The following PREX2 variants were observed in gnomAD, a reference collection of about 807,000 sequenced individuals.
PREX2 encodes phosphatidylinositol-3,4,5-trisphosphate dependent Rac exchange factor 2.
Under a neutral mutation model 203.2 loss-of-function variants are expected in PREX2, and 107 were observed. The observed-to-expected ratio is 0.53, with a 90% CI of 0.45 to 0.62. PREX2 has a LOEUF of 0.62. Among genes scored for constraint, PREX2 ranks in the 20% least tolerant of loss-of-function variants. The pLI, the probability that PREX2 is intolerant of heterozygous loss-of-function variation, is 0.00. For missense variants in PREX2, 1,777 were observed against 1,955.9 expected (o/e 0.91, Z 1.72); for synonymous variants, 672 against 663.6 (o/e 1.01, Z -0.19).
intron 32 of PREX2, among the ~76,000 whole-genome samples, chr8:68,135,170 T>C (rs1465229489): frequency 6.6e-6 from 1 of 151,702 alleles, no homozygotes; most frequent in East Asian, 1.9e-4. Flanking sequence ...ATGGTAGGCA[T>C]CAATTATCTG....
At chr8:68,218,303 A>G (rs963471468) in intron 38 of PREX2, among the ~76,000 whole-genome samples, 4 of 152,210 alleles carry the variant, frequency 2.6e-5, no homozygotes, top group Admixed American at 6.5e-5. Context: ...ACTTTATTCT[A>G]TACAGTAGCC....
At chr8:68,133,951 T>A in intron 31 of PREX2, 108 bp from the exon 32 acceptor site, 1 of 832,114 alleles carries the variant, frequency 1.2e-6, no homozygotes, top group Non-Finnish European at 1.9e-6. Context: ...TTCACATGCG[T>A]GAGTTTAGTG....
rs116754041 is a variant in PREX2, at chr8:68,055,490, C to T, written c.1094-340C>T. On this transcript the variant is annotated intron_variant, in intron 9 of 39. Transcript: ENST00000288368. ...TTTTCTACCAGAACTGTCTCTAGGG[C>T]TACTCTGTCCAGTTCTGCGGATCTA... 7.8e-3 allele frequency among the ~76,000 whole-genome samples: 1,179 copies of T among 152,062 alleles called. 16 individuals carry two copies. The highest frequency in any genetic ancestry group is 0.027 in the African/African-American group (1,136 of 41,430).
At chr8:68,068,912 A>G (rs1809101379) in intron 11 of PREX2, 121 bp from the exon 12 acceptor site, 1 of 451,998 alleles carries the variant, frequency 2.2e-6, no homozygotes, top group Non-Finnish European at 3.8e-6. Context: ...AGAAAAGCAA[A>G]TGCCTTTTGT....
At chr8:68,203,537 C>A (rs1812549383) in intron 37 of PREX2, among the ~76,000 whole-genome samples, 1 of 152,064 alleles carries the variant, frequency 6.6e-6, no homozygotes, top group Non-Finnish European at 1.5e-5. Flanking sequence ...TATATTTGAG[C>A]TGGGTTTAAA....
intron 7 of PREX2, among the ~76,000 whole-genome samples, chr8:68,039,901 C>A (rs1346310631): frequency 2.0e-5 from 3 of 152,174 alleles, no homozygotes; most frequent in African/African-American, 7.2e-5. Context: ...CCCACCATAT[C>A]TTTTCTTATG....
At chr8:68,022,824 T>G (rs57481230) in intron 4 of PREX2, among the ~76,000 whole-genome samples, 3,348 of 152,260 alleles carry the variant, frequency 0.022, 115 homozygotes, top group African/African-American at 0.077. Context: ...CATACACTGA[T>G]TTGTTTTCAT....
chr8:68,055,685 A>G (rs1808655944), intron 9 of PREX2, 145 bp from the exon 10 acceptor site: 1 of 709,368 alleles, frequency 1.4e-6, no homozygotes, highest in African/African-American at 1.8e-5. Context: ...CTTCTTGAAC[A>G]CCAGGGCACT....
intron 10 of PREX2, among the ~76,000 whole-genome samples, chr8:68,057,391 T>C (rs566990533): frequency 1.3e-5 from 2 of 152,224 alleles, no homozygotes; most frequent in East Asian, 3.9e-4. Flanking sequence ...CTCAGGGAAG[T>C]TCTTTACAGC....
intron 26 of PREX2, 46 bp downstream of exon 26, chr8:68,115,978 A>ATTC: frequency 6.8e-7 from 1 of 1,468,218 alleles, no homozygotes; most frequent in Non-Finnish European, 9.2e-7. Context: ...AAAGTCAAAT[A>ATTC]TGATGCTGGA....
intron 32 of PREX2, among the ~76,000 whole-genome samples, chr8:68,135,910 A>C (rs1768530334): frequency 6.6e-6 from 1 of 152,194 alleles, no homozygotes; most frequent in African/African-American, 2.4e-5. Context: ...GGAATGGAGT[A>C]CTGATACATG....
intron 9 of PREX2, among the ~76,000 whole-genome samples, chr8:68,055,508 C>T (rs1006757179): frequency 2.0e-5 from 3 of 151,982 alleles, no homozygotes; most frequent in East Asian, 1.9e-4. Flanking sequence ...TCCAGTTCTG[C>T]GGATCTAACT....
intron 35 of PREX2, among the ~76,000 whole-genome samples, chr8:68,190,904 A>G (rs1286977032): frequency 6.6e-6 from 1 of 152,022 alleles, no homozygotes; most frequent in Non-Finnish European, 1.5e-5. Context: ...AGCCACAAGC[A>G]AAGCAAACAC....
chr8:68,074,445 A>G (rs1563530926), intron 14 of PREX2, among the ~76,000 whole-genome samples: 3 of 152,262 alleles, frequency 2.0e-5, no homozygotes, highest in Middle Eastern at 3.4e-3. Flanking sequence ...AGTTTTTACA[A>G]CTGTTTACTG....
intron 35 of PREX2, among the ~76,000 whole-genome samples, chr8:68,179,967 TA>T (rs1301895042): frequency 6.6e-6 from 1 of 152,170 alleles, no homozygotes; most frequent in Non-Finnish European, 1.5e-5. Flanking sequence ...GAATCAATGA[TA>T]AATAAGATTG....
At chr8:68,211,655 T>A (rs1245822312) in intron 37 of PREX2, among the ~76,000 whole-genome samples, 1 of 152,166 alleles carries the variant, frequency 6.6e-6, no homozygotes, top group African/African-American at 2.4e-5. Context: ...TTCAAACCCT[T>A]CTGTTGTCAG....
At chr8:68,122,745 G>A (rs529496379) in intron 30 of PREX2, among the ~76,000 whole-genome samples, 97 of 152,048 alleles carry the variant, frequency 6.4e-4, no homozygotes, top group African/African-American at 2.2e-3. Context: ...TGGCTTCTGC[G>A]TTAATTTTAC....
intron 1 of PREX2, among the ~76,000 whole-genome samples, chr8:67,994,541 C>T (rs557985761): frequency 2.9e-4 from 44 of 152,168 alleles, no homozygotes; most frequent in African/African-American, 9.9e-4. Context: ...CTGATTTATT[C>T]TCCCATAATA....
At chr8:68,185,110 CT>C in intron 35 of PREX2, among the ~76,000 whole-genome samples, 2 of 151,984 alleles carry the variant, frequency 1.3e-5, no homozygotes. Flanking sequence ...TGATTCTTTC[CT>C]TTTTAGGGTC....
Sources: gnomAD v4.1 joint callset for allele counts (sites outside exome capture counted in the v4.1 genomes callset) on GRCh38, gnomAD v4.1.1 for gene constraint, MANE v1.5 for transcripts, NCBI Gene and HGNC (gene_info 2026-07-23, HGNC 2026-07-21) for gene names.